The following CNTN5 variants were observed in gnomAD, a reference collection of about 807,000 sequenced individuals.
The protein encoded by CNTN5 is contactin-5.
CNTN5 carries 77 observed loss-of-function variants against 129.1 expected under a neutral mutation model. The ratio of observed to expected loss-of-function variants is 0.60; its 90% CI spans 0.50 to 0.72. The LOEUF (loss-of-function observed/expected upper bound fraction) is 0.72, where lower values mean the gene tolerates loss of function less well. Among genes scored for constraint, CNTN5 ranks in the 30% least tolerant of loss-of-function variants. The pLI is 0.00. For missense variants in CNTN5, 1,478 were observed against 1,328.8 expected (o/e 1.11, Z -1.75); for synonymous variants, 509 against 465.6 (o/e 1.09, Z -1.20).
chr11:99,678,797 T>G (rs370139057), intron 3 of CNTN5, among the ~76,000 whole-genome samples: 2 of 152,012 alleles, frequency 1.3e-5, no homozygotes, highest in East Asian at 3.9e-4. Context: ...AGTAAAGAAA[T>G]AAATTACTAG....
intron 3 of CNTN5, among the ~76,000 whole-genome samples, chr11:99,598,316 T>G (rs1184000988): frequency 9.9e-5 from 2 of 20,262 alleles, no homozygotes; most frequent in Non-Finnish European, 1.6e-4. Context: ...TTTCTTTTCT[T>G]TTCTTTTCTG....
chr11:99,442,812 C>T (rs552654057), intron 2 of CNTN5, among the ~76,000 whole-genome samples: 1 of 152,180 alleles, frequency 6.6e-6, no homozygotes, highest in East Asian at 1.9e-4. Flanking sequence ...TGGCCTGTTC[C>T]AAGTCTGTGA....
intron 2 of CNTN5, among the ~76,000 whole-genome samples, chr11:99,437,052 C>A (rs1182371020): frequency 6.6e-6 from 1 of 152,180 alleles, no homozygotes; most frequent in East Asian, 1.9e-4. Flanking sequence ...TAATAGGCAT[C>A]TCACGTATAA....
In CNTN5 at chr11:99,677,318, C is replaced by G. The variant is rs1591465141; in HGVS notation, c.55+121049C>G. Among the ~76,000 whole-genome samples, 4 of 146,118 alleles carry G rather than the reference C, an allele frequency of 2.7e-5. No homozygotes were observed. The South Asian group carries it at 8.8e-4, about 32-fold the overall frequency. Reference sequence around the variant, plus strand: ...CCAATGGTGAATGCCTTTACATGTTCATGGGAGCTGTTTTTATTATAGCCA... The same window carrying G: ...CCAATGGTGAATGCCTTTACATGTTGATGGGAGCTGTTTTTATTATAGCCA... On this transcript the variant is annotated intron_variant, in intron 3 of 24. Coordinates refer to ENST00000524871, the MANE Select transcript of CNTN5 (RefSeq NM_014361.4).
chr11:100,071,869 A>G (rs200535378), intron 12 of CNTN5, 35 bp downstream of exon 12: 2 of 1,536,294 alleles, frequency 1.3e-6, no homozygotes, highest in East Asian at 2.3e-5. Context: ...TTGAAAAAAA[A>G]AACCTTGCTT....
At chr11:99,079,529 A>G (rs1865710222) in intron 1 of CNTN5, among the ~76,000 whole-genome samples, 1 of 152,230 alleles carries the variant, frequency 6.6e-6, no homozygotes, top group Admixed American at 6.5e-5. Flanking sequence ...AATCAGTAGG[A>G]TCTTGCAAAT....
chr11:99,254,317 G>C (rs962267916), intron 1 of CNTN5, among the ~76,000 whole-genome samples: 1 of 151,882 alleles, frequency 6.6e-6, no homozygotes, highest in Non-Finnish European at 1.5e-5. Flanking sequence ...AATATTCAGT[G>C]ATGTATTGCT....
chr11:99,172,052 A>G (rs908679184), intron 1 of CNTN5, among the ~76,000 whole-genome samples: 10 of 152,204 alleles, frequency 6.6e-5, no homozygotes, highest in African/African-American at 2.2e-4. Flanking sequence ...AGCAAATACA[A>G]AAGGACATTT....
intron 2 of CNTN5, among the ~76,000 whole-genome samples, chr11:99,397,161 G>A (rs951804636): frequency 1.3e-5 from 2 of 151,670 alleles, no homozygotes; most frequent in African/African-American, 2.4e-5. Context: ...AAATCAGTAA[G>A]GTGTTTTGCA....
intron 3 of CNTN5, among the ~76,000 whole-genome samples, chr11:99,742,171 G>C (rs542644307): frequency 2.0e-5 from 3 of 152,134 alleles, no homozygotes; most frequent in African/African-American, 7.2e-5. Flanking sequence ...GTGTAAAGAC[G>C]GATGGACAGT....
intron 15 of CNTN5, among the ~76,000 whole-genome samples, chr11:100,219,560 A>G (rs1320708006): frequency 6.6e-6 from 1 of 152,204 alleles, no homozygotes; most frequent in Non-Finnish European, 1.5e-5. Flanking sequence ...GGCTAGGGAA[A>G]ACACAATTGT....
intron 1 of CNTN5, among the ~76,000 whole-genome samples, chr11:99,192,941 G>C (rs1404094706): frequency 6.6e-6 from 1 of 151,866 alleles, no homozygotes; most frequent in Non-Finnish European, 1.5e-5. Context: ...CATTTTTTTG[G>C]CATTTGTGTA....
chr11:99,258,335 C>G (rs985640792), intron 1 of CNTN5, among the ~76,000 whole-genome samples: 1 of 151,972 alleles, frequency 6.6e-6, no homozygotes, highest in African/African-American at 2.4e-5. Flanking sequence ...TTTGCTGCTC[C>G]CTTCTCTGTG....
At chr11:99,439,279 T>G (rs1169261342) in intron 2 of CNTN5, among the ~76,000 whole-genome samples, 1 of 152,010 alleles carries the variant, frequency 6.6e-6, no homozygotes, top group Non-Finnish European at 1.5e-5. Flanking sequence ...TTCATTTAGA[T>G]GTGTAGATCT....
At chr11:100,045,200 C>T (rs1942604041) in intron 9 of CNTN5, among the ~76,000 whole-genome samples, 1 of 151,882 alleles carries the variant, frequency 6.6e-6, no homozygotes, top group Non-Finnish European at 1.5e-5. Flanking sequence ...TTATTCCAGC[C>T]AAGTAAATAA....
chr11:99,834,385 G>T (rs1400034761), intron 4 of CNTN5, among the ~76,000 whole-genome samples: 2 of 152,080 alleles, frequency 1.3e-5, no homozygotes, highest in African/African-American at 2.4e-5. Context: ...TTTAGGCTGG[G>T]CACAGTGGCT....
At chr11:99,272,939 C>A (rs1863243348) in intron 1 of CNTN5, among the ~76,000 whole-genome samples, 1 of 151,622 alleles carries the variant, frequency 6.6e-6, no homozygotes, top group Non-Finnish European at 1.5e-5. Context: ...GTATTCAAAT[C>A]GAATTAAGAA....
intron 6 of CNTN5, among the ~76,000 whole-genome samples, chr11:99,893,776 A>C (rs1209091589): frequency 6.6e-6 from 1 of 152,216 alleles, no homozygotes; most frequent in Non-Finnish European, 1.5e-5. Flanking sequence ...AACCAACATC[A>C]CATTGTCTTT....
intron 13 of CNTN5, among the ~76,000 whole-genome samples, chr11:100,158,207 AAACCAAAATCAAAACG>A (rs1446524292): frequency 1.3e-5 from 2 of 151,964 alleles, no homozygotes; most frequent in East Asian, 3.9e-4. Context: ...TCACACAAAC[AAACCAAAATCAAAACG>A]AACAAAATGG....
Sources: gnomAD v4.1 joint callset for allele counts (sites outside exome capture counted in the v4.1 genomes callset) on GRCh38, gnomAD v4.1.1 for gene constraint, MANE v1.5 for transcripts, NCBI Gene and HGNC (gene_info 2026-07-23, HGNC 2026-07-21) for gene names.